FGF5: variants seen among roughly 807,000 people sequenced by gnomAD.
The protein encoded by FGF5 is heparin-binding growth factor 5.
In FGF5, 23 loss-of-function variants were observed where a neutral mutation model predicts 21.8. That is an observed-to-expected ratio of 1.05 (90% CI 0.76 to 1.49). The LOEUF is 1.49. Among genes scored for constraint, FGF5 ranks in the 40% most tolerant of loss-of-function variants. The probability of loss-of-function intolerance (pLI) is 0.00; values close to 1 mark genes in which losing one functional copy is unlikely to be tolerated. For missense variants in FGF5, 352 were observed against 332.9 expected (o/e 1.06, Z -0.45); for synonymous variants, 158 against 124.0 (o/e 1.27, Z -1.82).
rs1049446176 is a variant in FGF5, at chr4:80,289,807, A to G, written c.*3135A>G. On this transcript the variant is annotated 3_prime_UTR_variant, in exon 3 of 3. Coordinates refer to ENST00000312465, the MANE Select transcript of FGF5 (RefSeq NM_004464.4). ...TCCAGAAGTTCAAAATCATGTGACA[A>G]TAATAAGGGATACTGACAGAAGTTA... is the stretch of plus-strand genomic sequence containing the variant. 2 of 152,108 alleles carry G rather than the reference A, an allele frequency of 1.3e-5. No homozygotes were observed. Among genetic ancestry groups the G allele is most frequent in the Non-Finnish European group, 2.9e-5 (2 of 68,000 alleles). The allele number at this position is 152,108 out of a possible 1,614,324, so 9.4% of individuals were successfully genotyped here.
At chr4:80,270,494 A>C (rs546800733) in intron 1 of FGF5, among the ~76,000 whole-genome samples, 1 of 152,100 alleles carries the variant, frequency 6.6e-6, no homozygotes, top group Admixed American at 6.5e-5. Context: ...AGCTTCTCTT[A>C]CACAATAATT....
chr4:80,273,542 C>CA (rs1314798664), intron 1 of FGF5, among the ~76,000 whole-genome samples: 1 of 152,076 alleles, frequency 6.6e-6, no homozygotes, highest in African/African-American at 2.4e-5. Flanking sequence ...TCAAATACTG[C>CA]AGGGAGAGTT....
At chr4:80,269,374 C>T (rs911666486) in intron 1 of FGF5, among the ~76,000 whole-genome samples, 6 of 152,150 alleles carry the variant, frequency 3.9e-5, no homozygotes, top group African/African-American at 7.2e-5. Flanking sequence ...TATTCACCAT[C>T]TTCTCTACGA....
chr4:80,286,472 A>G lies in FGF5; in HGVS notation c.607A>G (p.Ser203Gly). The change falls in exon 3 of 3, where the codon AGC becomes GGC. Residue 203 changes from serine (S) to glycine (G), a missense_variant. Transcript: ENST00000312465. Reference protein sequence around the residue: ...NKRGKAKRGCSPRVKPQHIST... With the variant: ...NKRGKAKRGCGPRVKPQHIST... ...AAGAGGAAAAGCCAAACGAGGGTGC[A>G]GCCCCCGGGTTAAACCCCAGCATAT... The G allele has an allele frequency of 6.2e-7, 1 of 1,614,100 alleles. No homozygotes were observed. The highest frequency in any genetic ancestry group is 8.5e-7 in the Non-Finnish European group (1 of 1,179,992).
At chr4:80,271,831 C>T (rs1720279565) in intron 1 of FGF5, among the ~76,000 whole-genome samples, 1 of 152,120 alleles carries the variant, frequency 6.6e-6, no homozygotes, top group Non-Finnish European at 1.5e-5. Flanking sequence ...TAAAAAAAAT[C>T]AATGTCAGAG....
rs890689400 is a variant in FGF5, at chr4:80,280,940, G to T, written c.460-5385G>T. 6.6e-5 allele frequency among the ~76,000 whole-genome samples: 10 copies of T among 152,198 alleles called. No individual in the cohort carries two copies. In the East Asian group the frequency reaches 1.9e-3, roughly 29 times the overall value. On this transcript the variant is annotated intron_variant, in intron 2 of 2. Coordinates refer to ENST00000312465, the MANE Select transcript of FGF5 (RefSeq NM_004464.4). ...TTTGAGCCTGCTCTCTGAGTAATTTGAAGGCAAATTATGTAAGTGAAGAAA... is the reference window on the plus strand; with the variant it reads ...TTTGAGCCTGCTCTCTGAGTAATTTTAAGGCAAATTATGTAAGTGAAGAAA...
At chr4:80,267,733 G>GTAGATAAATAGATAGATAGA (rs113857771) in intron 1 of FGF5, among the ~76,000 whole-genome samples, 36 of 151,066 alleles carry the variant, frequency 2.4e-4, no homozygotes, top group African/African-American at 8.8e-4. Context: ...ATACACATAG[G>GTAGATAAATAGATAGATAGA]TAGATAGATA....
intron 1 of FGF5, among the ~76,000 whole-genome samples, chr4:80,270,289 C>G (rs1401014056): frequency 6.6e-6 from 1 of 152,036 alleles, no homozygotes; most frequent in African/African-American, 2.4e-5. Context: ...TATTTTAAAC[C>G]TAATAATATT....
rs1720772865 is a variant in FGF5 at position 80,287,568 on chromosome 4, T to C, written c.*896T>C. ...TCTGTCTTGCCTTCATTTCTCTTTT[T>C]ATCTCCCCCTTGCCCTCATTCTTGA... On this transcript the variant is annotated 3_prime_UTR_variant, in exon 3 of 3. Coordinates refer to ENST00000312465, the MANE Select transcript of FGF5 (RefSeq NM_004464.4). 1.3e-5 allele frequency: 2 copies of C among 152,222 alleles called. No individual in the cohort carries two copies. Among genetic ancestry groups the C allele is most frequent in the Admixed American group, 1.3e-4 (2 of 15,268 alleles). The allele number at this position is 152,222 out of a possible 1,614,324, so 9.4% of individuals were successfully genotyped here. A position where few individuals can be genotyped will look rare whatever the true frequency, so the allele number is the denominator to read the frequency against.
chr4:80,266,813 G>A lies in FGF5; in HGVS notation c.-12G>A, dbSNP rs1371215719. 1 of 1,563,644 alleles carries A rather than the reference G, an allele frequency of 6.4e-7. No homozygotes were observed. The highest frequency in any genetic ancestry group is 1.4e-5 in the African/African-American group (1 of 73,432). On this transcript the variant is annotated 5_prime_UTR_variant, in exon 1 of 3. Coordinates refer to ENST00000312465, the MANE Select transcript of FGF5 (RefSeq NM_004464.4). ...CCTACAAGATGCACTTAGGACCCCC[G>A]CGGCTGGAAGAATGAGCTTGTCCTT... is the stretch of plus-strand genomic sequence containing the variant.
chr4:80,285,354 C>T (rs111744154), intron 2 of FGF5, among the ~76,000 whole-genome samples: 61 of 152,266 alleles, frequency 4.0e-4, no homozygotes, highest in African/African-American at 1.4e-3. Flanking sequence ...GTCATGTTGA[C>T]CTTTCAACAC....
intron 1 of FGF5, chr4:80,268,139 A>C (rs1578290034): frequency 6.6e-6 from 1 of 151,220 alleles, no homozygotes; most frequent in South Asian, 2.1e-4. Flanking sequence ...CTTCCCTTCC[A>C]CCCCATCTAT....
rs1720458756 is a variant in FGF5, at chr4:80,277,939, T to C, written c.459+2927T>C. ...GAGATAATGTACTTTCATAGTTCTT[T>C]AAAAGCCCTTTTGCTCACATTATCT... On this transcript the variant is annotated intron_variant, in intron 2 of 2. Transcript: ENST00000312465. Among the ~76,000 whole-genome samples the C allele has an allele frequency of 1.3e-5, 2 of 152,126 alleles. 1 individual carries two copies. The highest frequency in any genetic ancestry group is 1.3e-4 in the Admixed American group (2 of 15,266).
chr4:80,283,990 T>C (rs754067380), intron 2 of FGF5, among the ~76,000 whole-genome samples: 4 of 152,210 alleles, frequency 2.6e-5, no homozygotes, highest in Non-Finnish European at 4.4e-5. Context: ...AATGAATTTG[T>C]AAGCAAGTCT....
intron 1 of FGF5, among the ~76,000 whole-genome samples, chr4:80,272,287 T>C (rs1431354431): frequency 6.6e-6 from 1 of 152,178 alleles, no homozygotes; most frequent in East Asian, 1.9e-4. Flanking sequence ...AGGCACTATA[T>C]CATTTTTATC....
In FGF5 at chr4:80,289,451, G is replaced by C. The variant is rs187599004; in HGVS notation, c.*2779G>C. ...AGCTTTTTATTATTTTAAGTAACTA[G>C]AACCACCAAATATCAAATAAAATTA... is the stretch of plus-strand genomic sequence containing the variant. On this transcript the variant is annotated 3_prime_UTR_variant, in exon 3 of 3. Coordinates refer to ENST00000312465, the MANE Select transcript of FGF5 (RefSeq NM_004464.4). 1 of 152,058 alleles carries C rather than the reference G, an allele frequency of 6.6e-6. No homozygotes were observed. The allele number at this position is 152,058 out of a possible 1,614,324, so 9.4% of individuals were successfully genotyped here.
intron 1 of FGF5, among the ~76,000 whole-genome samples, chr4:80,268,901 T>C (rs1720192348): frequency 1.3e-5 from 2 of 152,228 alleles, no homozygotes; most frequent in African/African-American, 4.8e-5. Flanking sequence ...TGGGGTGAAA[T>C]GGAATTTTCT....
chr4:80,283,105 A>C (rs1027202866), intron 2 of FGF5, among the ~76,000 whole-genome samples: 1 of 152,240 alleles, frequency 6.6e-6, no homozygotes, highest in African/African-American at 2.4e-5. Flanking sequence ...TGTTTGTTTC[A>C]AATGATTCTG....
Position 80,267,053 on chromosome 4 carries a change from A to G in FGF5, c.229A>G (p.Ser77Gly), listed in dbSNP as rs1487434946. ...LGSQGSGLEQ[S>G]SFQWSPSGRR... ...CAGCCAAGGAAGTGGCTTGGAGCAG[A>G]GCAGTTTCCAGTGGAGCCCCTCGGG... Residue 77 changes from serine (S) to glycine (G), a missense_variant, in exon 1 of 3, where the codon AGC becomes GGC. Ser to Gly is a moderately conservative substitution (Grantham distance 56). Transcript: ENST00000312465. 1 of 1,614,082 alleles carries G rather than the reference A, an allele frequency of 6.2e-7. No individual in the cohort carries two copies. The highest frequency in any genetic ancestry group is 8.5e-7 in the Non-Finnish European group (1 of 1,180,036).
Sources: gnomAD v4.1 joint callset for allele counts (sites outside exome capture counted in the v4.1 genomes callset) on GRCh38, gnomAD v4.1.1 for gene constraint, MANE v1.5 for transcripts, NCBI Gene and HGNC (gene_info 2026-07-23, HGNC 2026-07-21) for gene names.